The following LMTK3 variants were observed in gnomAD, a reference collection of about 807,000 sequenced individuals.
The protein encoded by LMTK3 is lemur tail kinase 3, also known as serine/threonine-protein kinase LMTK3.
In LMTK3, 27 loss-of-function variants were observed where a neutral mutation model predicts 116.7. The observed-to-expected ratio is 0.23, with a 90% CI of 0.17 to 0.32. The LOEUF (loss-of-function observed/expected upper bound fraction) is 0.32, where lower values mean the gene tolerates loss of function less well. Ranked by LOEUF, LMTK3 falls within the 10% of genes least tolerant of loss-of-function variation. The pLI is 1.00. For missense variants in LMTK3, 1,764 were observed against 2,068.5 expected (o/e 0.85, Z 2.86); for synonymous variants, 965 against 971.0 (o/e 0.99, Z 0.11).
At position 48,499,277 on chromosome 19, in the gene LMTK3, G is replaced by A; in HGVS notation, c.1792C>T (p.Gln598Ter). ...LFPAPRPFPAQSSASGSFLLS... is the reference protein window; with the variant it reads ...LFPAPRPFPA Reference sequence around the variant, plus strand: ...AGGAAGCTGCCTGACGCTGAGGACTGGGCTGGGAAGGGCCGGGGCGCAGGG... The same window carrying A: ...AGGAAGCTGCCTGACGCTGAGGACTAGGCTGGGAAGGGCCGGGGCGCAGGG... The change falls in exon 11 of 15, where the codon CAG becomes TAG. Residue 598 changes from glutamine to a stop codon, truncating the protein, a stop_gained. Transcript: ENST00000600059. LOFTEE classifies it high-confidence loss of function. The A allele has an allele frequency of 7.1e-7, 1 of 1,413,192 alleles. No individual in the cohort carries two copies. The highest frequency in any genetic ancestry group is 9.2e-7 in the Non-Finnish European group (1 of 1,083,322). The allele number at this position is 1,413,192 out of a possible 1,614,324, so 87.5% of individuals were successfully genotyped here. A position where few individuals can be genotyped will look rare whatever the true frequency, so the allele number is the denominator to read the frequency against.
intron 14 of LMTK3, 49 bp from the exon 15 acceptor site, chr19:48,485,838 C>A: frequency 1.9e-6 from 3 of 1,575,206 alleles, no homozygotes; most frequent in Middle Eastern, 1.7e-4. Context: ...AGGGGGACAG[C>A]CTCATGGCTT....
In LMTK3 at chr19:48,491,795, C is replaced by A. The variant is rs1023125900; in HGVS notation, c.4093-256G>T. Among the ~76,000 whole-genome samples, 1 of 152,170 alleles carries A rather than the reference C, an allele frequency of 6.6e-6. No individual in the cohort carries two copies. The highest frequency in any genetic ancestry group is 2.4e-5 in the African/African-American group (1 of 41,436). ...CCCCGCGCACAGCTAAGTAGCCCAA[C>A]GCAGGGATTCTCTCCTGGCTCATTA... On this transcript the variant is annotated intron_variant, in intron 12 of 14. Transcript: ENST00000600059. This position sits in a 1 kb window ranked among gnomAD's most constrained non-coding sequence, Gnocchi z 5.1.
At chr19:48,490,833 G>A (rs1428919650) in intron 14 of LMTK3, among the ~76,000 whole-genome samples, 1 of 152,178 alleles carries the variant, frequency 6.6e-6, no homozygotes, top group African/African-American at 2.4e-5. Flanking sequence ...GACAAAGATG[G>A]GCAAGAGTCG....
Position 48,491,299 on chromosome 19 carries a change from C to G in LMTK3, c.4229-54G>C. The G allele has an allele frequency of 7.4e-7, 1 of 1,347,248 alleles. No homozygotes were observed. Among genetic ancestry groups the G allele is most frequent in the Non-Finnish European group, 9.6e-7 (1 of 1,046,756 alleles). The allele number at this position is 1,347,248 out of a possible 1,614,324, so 83.5% of individuals were successfully genotyped here. A position where few individuals can be genotyped will look rare whatever the true frequency, so the allele number is the denominator to read the frequency against. ...GCTGCAGACACCTGCGGCACTCCCG[C>G]CCTCTGGTCCCGCCCCTCCCGACCA... On this transcript the variant is annotated intron_variant, in intron 13 of 14. Transcript: ENST00000600059. The surrounding 1 kb of genome is among the most constrained non-coding windows in gnomAD (Gnocchi z 5.1).
chr19:48,497,948 G>C lies in LMTK3; in HGVS notation c.3121C>G (p.Pro1041Ala). The C allele has an allele frequency of 1.3e-6, 2 of 1,573,770 alleles. No homozygotes were observed. The highest frequency in any genetic ancestry group is 1.7e-6 in the Non-Finnish European group (2 of 1,163,248). The change falls in exon 11 of 15, where the codon CCC becomes GCC. Residue 1041 changes from proline (P) to alanine (A), a missense_variant. This residue lies in a region of LMTK3 where 1,028 missense variants were observed against 1,050.6 expected (regional missense o/e 0.98). Transcript: ENST00000600059. This position sits in a 1 kb window ranked among gnomAD's most constrained non-coding sequence, Gnocchi z 5.7. ...EKTPESWGPA[P>A]TIGEPAPETS... is the part of the protein sequence containing the mutation. ...TCTGGGGCTGGCTCCCCGATCGTGG[G>C]GGCTGGACCCCAACTCTCGGGCGTC...
Position 48,499,539 on chromosome 19 carries a change from G to A in LMTK3, c.1530C>T (p.Pro510=), listed in dbSNP as rs1200291872. The part of the protein sequence containing the change: ...ASAPPAPHAN[P]SNPFYEALST... The stretch of plus-strand genomic sequence containing the variant: ...ACAGCGCCTCGTAGAAAGGGTTGGA[G>A]GGGTTGGCGTGGGGGGCCGGGGGGG... The change falls in exon 11 of 15, where the codon CCC becomes CCT. Residue 510 remains proline, a synonymous_variant. Coordinates refer to ENST00000600059, the MANE Select transcript of LMTK3 (RefSeq NM_001388485.1). 3 of 1,507,214 alleles carry A rather than the reference G, an allele frequency of 2.0e-6. No individual in the cohort carries two copies. Among genetic ancestry groups the A allele is most frequent in the Admixed American group, 2.4e-5 (1 of 41,090 alleles). The allele number at this position is 1,507,214 out of a possible 1,614,324, so 93.4% of individuals were successfully genotyped here. A position where few individuals can be genotyped will look rare whatever the true frequency, so the allele number is the denominator to read the frequency against.
In LMTK3 at chr19:48,498,958, G is replaced by C. The variant is rs1256090026; in HGVS notation, c.2111C>G (p.Pro704Arg). ...GHPALGCPHP[P>R]EDDSSLRAER... is the part of the protein sequence containing the mutation. ...TGCCCGCAGCGAGGAGTCGTCCTCGGGGGGGTGGGGGCAGCCAAGAGCAGG... is the reference window on the plus strand; with the variant it reads ...TGCCCGCAGCGAGGAGTCGTCCTCGCGGGGGTGGGGGCAGCCAAGAGCAGG... Residue 704 changes from proline to arginine, a missense_variant, in exon 11 of 15, where the codon CCC becomes CGC. Transcript: ENST00000600059. 2.3e-6 allele frequency: 3 copies of C among 1,322,624 alleles called. No homozygotes were observed. Among genetic ancestry groups the C allele is most frequent in the Non-Finnish European group, 1.9e-6 (2 of 1,039,072 alleles). The allele number at this position is 1,322,624 out of a possible 1,614,324, so 81.9% of individuals were successfully genotyped here.
Position 48,509,454 on chromosome 19 carries a change from T to C in LMTK3, c.421A>G (p.Ser141Gly). The C allele has an allele frequency of 6.4e-7, 1 of 1,558,792 alleles. No individual in the cohort carries two copies. The highest frequency in any genetic ancestry group is 1.2e-5 in the South Asian group (1 of 84,392). ...QHLSYLQEIG[S>G]GWFGKVILGE... is the part of the protein sequence containing the mutation. Reference sequence around the variant, plus strand: ...CCACTCACCTTCCCAAACCAGCCACTCCCAATCTCCTGCAGGTAGCTCAGG... The same window carrying C: ...CCACTCACCTTCCCAAACCAGCCACCCCCAATCTCCTGCAGGTAGCTCAGG... The change falls in exon 4 of 15, where the codon AGT becomes GGT. Residue 141 changes from serine (S) to glycine (G), a missense_variant. Physicochemically the swap from Ser to Gly is moderately conservative, Grantham distance 56 (BLOSUM62 0). Transcript: ENST00000600059.
chr19:48,505,271 G>A (rs1218927080), intron 5 of LMTK3, among the ~76,000 whole-genome samples: 3 of 151,590 alleles, frequency 2.0e-5, no homozygotes, highest in Non-Finnish European at 4.4e-5. Flanking sequence ...GTGCCACCAT[G>A]CCTGGCTAAT....
In LMTK3 at chr19:48,497,288, ATTCATCAC is replaced by A; in HGVS notation, c.3676+97_3676+104del. On this transcript the variant is annotated intron_variant, in intron 11 of 14. Transcript: ENST00000600059. This position sits in a 1 kb window ranked among gnomAD's most constrained non-coding sequence, Gnocchi z 5.7. ...AGGTGGTGCAGGCTTCAGGACCTGCATTCATCACTGCCAGCCCGACCCGACATGTTTAC... is the reference window on the plus strand; with the variant it reads ...AGGTGGTGCAGGCTTCAGGACCTGCATGCCAGCCCGACCCGACATGTTTAC... 2.4e-6 allele frequency: 3 copies of A among 1,260,206 alleles called. No individual in the cohort carries two copies. Among genetic ancestry groups the A allele is most frequent in the Non-Finnish European group, 3.1e-6 (3 of 971,028 alleles). The allele number at this position is 1,260,206 out of a possible 1,614,324, so 78.1% of individuals were successfully genotyped here.
chr19:48,510,789 G>A (rs1433021435), intron 1 of LMTK3, among the ~76,000 whole-genome samples, 197 bp from the exon 2 acceptor site: 1 of 152,230 alleles, frequency 6.6e-6, no homozygotes, highest in Admixed American at 6.5e-5. Context: ...TGGATTGGGG[G>A]TGGGGTCTCT....
In LMTK3 at chr19:48,498,615, G is replaced by A. The variant is rs1422417243; in HGVS notation, c.2454C>T (p.Val818=). 3.9e-6 allele frequency: 6 copies of A among 1,544,586 alleles called. No individual in the cohort carries two copies. Among genetic ancestry groups the A allele is most frequent in the Non-Finnish European group, 5.2e-6 (6 of 1,144,742 alleles). ...PGGGAAEEEG[V]PRPRAPPEPP... Reference sequence around the variant, plus strand: ...GCTCGGGGGGAGCCCGCGGCCGAGGGACCCCTTCCTCCTCGGCCGCCCCCC... The same window carrying A: ...GCTCGGGGGGAGCCCGCGGCCGAGGAACCCCTTCCTCCTCGGCCGCCCCCC... The change falls in exon 11 of 15, where the codon GTC becomes GTT. Residue 818 remains valine (V), a synonymous_variant. Transcript: ENST00000600059.
At chr19:48,488,642 C>T (rs569649055) in intron 14 of LMTK3, among the ~76,000 whole-genome samples, 1 of 152,226 alleles carries the variant, frequency 6.6e-6, no homozygotes, top group East Asian at 1.9e-4. Flanking sequence ...CTGCCTCAGG[C>T]CCTGTGTGCA....
rs576612975 is a variant in LMTK3, at chr19:48,498,284, G to A, written c.2785C>T (p.Leu929=). 6.2e-7 allele frequency: 1 copy of A among 1,613,322 alleles called. No homozygotes were observed. The highest frequency in any genetic ancestry group is 1.1e-5 in the South Asian group (1 of 91,058). Residue 929 remains leucine (L), a synonymous_variant, in exon 11 of 15, where the codon CTG becomes TTG. Coordinates refer to ENST00000600059, the MANE Select transcript of LMTK3 (RefSeq NM_001388485.1). ...GGGGCTCTCTGGTCCCCGTTCTCCAGCACTGTCACCCCGTTCACTGGGAGG... is the reference window on the plus strand; with the variant it reads ...GGGGCTCTCTGGTCCCCGTTCTCCAACACTGTCACCCCGTTCACTGGGAGG... ...LSLPVNGVTV[L]ENGDQRAPGI...
At chr19:48,512,783 C>T (rs968903529), upstream of LMTK3, among the ~76,000 whole-genome samples, 4 of 152,112 alleles carry the variant, frequency 2.6e-5, no homozygotes, top group Admixed American at 1.3e-4. Context: ...ACAACTCATA[C>T]ATACAGGGCT....
At position 48,497,354 on chromosome 19, in the gene LMTK3, C is replaced by T; in HGVS notation, c.3676+39G>A. On this transcript the variant is annotated intron_variant, in intron 11 of 14. Transcript: ENST00000600059. This position sits in a 1 kb window ranked among gnomAD's most constrained non-coding sequence, Gnocchi z 5.7. ...CACCCTCCGCACGCCTCGGAAACAG[C>T]CGGACCTCAGCCCTGACTGTGCCCC... 1 of 1,425,320 alleles carries T rather than the reference C, an allele frequency of 7.0e-7. No homozygotes were observed. Among genetic ancestry groups the T allele is most frequent in the South Asian group, 1.6e-5 (1 of 62,620 alleles). 88.3% of individuals were successfully genotyped at this position (1,425,320 alleles called of 1,614,324 possible).
At position 48,485,556 on chromosome 19, in the gene LMTK3, G is replaced by A. The variant is rs931885665; in HGVS notation, c.*217C>T. The A allele has an allele frequency of 7.0e-6, 4 of 568,552 alleles. No individual in the cohort carries two copies. The Admixed American group carries it at 9.4e-5, about 13-fold the overall frequency. The allele number at this position is 568,552 out of a possible 1,614,324, so 35.2% of individuals were successfully genotyped here. ...ATTCCTGCCTCATTTGGCTCCGAGG[G>A]GGTCAGGGGGGTCAGGGGAGCCATC... is the stretch of plus-strand genomic sequence containing the variant. On this transcript the variant is annotated 3_prime_UTR_variant, in exon 15 of 15. Coordinates refer to ENST00000600059, the MANE Select transcript of LMTK3 (RefSeq NM_001388485.1).
chr19:48,512,460 C>T (rs1972678615), upstream of LMTK3, among the ~76,000 whole-genome samples: 1 of 152,172 alleles, frequency 6.6e-6, no homozygotes, highest in Admixed American at 6.6e-5. Flanking sequence ...CACTCATAGT[C>T]ACAGCCACGC....
At position 48,491,458 on chromosome 19, in the gene LMTK3, G is replaced by A; in HGVS notation, c.4174C>T (p.Pro1392Ser). The A allele has an allele frequency of 2.1e-6, 3 of 1,421,954 alleles. No individual in the cohort carries two copies. Among genetic ancestry groups the A allele is most frequent in the Non-Finnish European group, 2.8e-6 (3 of 1,088,090 alleles). The allele number at this position is 1,421,954 out of a possible 1,614,324, so 88.1% of individuals were successfully genotyped here. Residue 1392 changes from proline (P) to serine (S), a missense_variant, in exon 13 of 15, where the codon CCT becomes TCT. Physicochemically the swap from Pro to Ser is moderately conservative, Grantham distance 74. Coordinates refer to ENST00000600059, the MANE Select transcript of LMTK3 (RefSeq NM_001388485.1). The surrounding 1 kb of genome is among the most constrained non-coding windows in gnomAD (Gnocchi z 5.1). ...TCTCCGGGGGTGGCGGGGTGGGGAG[G>A]TGTCGGGGGCGCTGGAGGCGTTGAC... ...DPSTPPAPPT[P>S]PHPATPGDGF...
Sources: allele counts gnomAD v4.1 joint callset (sites outside exome capture counted in the v4.1 genomes callset), GRCh38; gene constraint gnomAD v4.1.1; regional missense constraint gnomAD v4.1.1; non-coding constraint Gnocchi (gnomAD v3.1); transcripts MANE v1.5; gene names NCBI Gene and HGNC (gene_info 2026-07-23, HGNC 2026-07-21).